Variants in PFKL observed in about 807,000 individuals in gnomAD.
PFKL encodes ATP-dependent 6-phosphofructokinase, liver type.
A neutral mutation model predicts 92.1 loss-of-function variants in PFKL; 74 were observed. That is an observed-to-expected ratio of 0.80 (90% CI 0.67 to 0.97). PFKL has a LOEUF of 0.97. Among genes scored for constraint, PFKL ranks in the 50% least tolerant of loss-of-function variants. The pLI is 0.00. For synonymous variants in PFKL, 494 were observed against 456.4 expected (o/e 1.08, Z -1.05); for missense variants, 1,028 against 1,116.6 (o/e 0.92, Z 1.13).
chr21:44,319,202 C>T (rs956757637), intron 10 of PFKL, 149 bp from the exon 11 acceptor site: 57 of 668,396 alleles, frequency 8.5e-5, no homozygotes, highest in African/African-American at 3.4e-4. Flanking sequence ...TGGTGGTGAC[C>T]GCTGTTCCTA....
rs752751455 is a variant in PFKL, at chr21:44,306,642, C to T, written c.86-39C>T. ...GGGGAGGGTGTCCAGGGCCTTGCTT[C>T]TCAGCGTGGGACTGACAGGTTTGCC... On this transcript the variant is annotated intron_variant, in intron 1 of 21. Coordinates refer to ENST00000349048, the MANE Select transcript of PFKL (RefSeq NM_002626.6). The T allele has an allele frequency of 4.4e-6, 7 of 1,588,190 alleles. No individual in the cohort carries two copies. The East Asian group carries it at 9.1e-5, about 21-fold the overall frequency.
chr21:44,309,001 C>T (rs147016977), intron 2 of PFKL, among the ~76,000 whole-genome samples: 46 of 152,200 alleles, frequency 3.0e-4, no homozygotes, highest in African/African-American at 1.1e-3. Context: ...GGGGACTGGC[C>T]GTCACTGTTC....
At chr21:44,325,887 C>T in intron 19 of PFKL, 74 bp from the exon 20 acceptor site, 3 of 1,085,548 alleles carry the variant, frequency 2.8e-6, no homozygotes, top group East Asian at 2.5e-5. Flanking sequence ...CGTGGGGATC[C>T]TGTCTGCACT....
At chr21:44,303,103 G>A (rs376243092) in intron 1 of PFKL, among the ~76,000 whole-genome samples, 6 of 152,050 alleles carry the variant, frequency 3.9e-5, no homozygotes, top group African/African-American at 1.2e-4. Flanking sequence ...GCATGGTGGT[G>A]CGCATCTGTA....
At chr21:44,306,584 T>A in intron 1 of PFKL, 97 bp from the exon 2 acceptor site, 2 of 1,052,826 alleles carry the variant, frequency 1.9e-6, no homozygotes, top group Non-Finnish European at 2.8e-6. Context: ...GGACAGGGTG[T>A]CCAGGCCTCC....
intron 7 of PFKL, 172 bp downstream of exon 7, chr21:44,314,193 C>T: frequency 1.7e-6 from 1 of 602,158 alleles, no homozygotes; most frequent in South Asian, 2.0e-5. Context: ...ACGGGGCTGA[C>T]CTCAGTGAGG....
rs2047505736 is a variant in PFKL, at chr21:44,326,229, C to T, written c.2160C>T (p.Ser720=). 6 of 1,612,584 alleles carry T rather than the reference C, an allele frequency of 3.7e-6. No homozygotes were observed. Among genetic ancestry groups the T allele is most frequent in the Non-Finnish European group, 5.1e-6 (6 of 1,179,514 alleles). Residue 720 remains serine, a synonymous_variant, in exon 21 of 22, where the codon AGC becomes AGT. Coordinates refer to ENST00000349048, the MANE Select transcript of PFKL (RefSeq NM_002626.6). ...TGAAGAAGAAGGCGGTGGCCTTCAG[C>T]CCCGTCACTGAGCTCAAGAAAGACA... is the stretch of plus-strand genomic sequence containing the variant. ...IGLKKKAVAF[S]PVTELKKDTD... is the part of the protein sequence containing the mutation.
At chr21:44,310,898 A>C in intron 2 of PFKL, 108 bp from the exon 3 acceptor site, 1 of 776,406 alleles carries the variant, frequency 1.3e-6, no homozygotes, top group South Asian at 1.6e-5. Context: ...CACAGTCAGC[A>C]CCCTGGTCCT....
chr21:44,319,900 TGGG>T, intron 11 of PFKL, 181 bp from the exon 12 acceptor site: 1 of 591,926 alleles, frequency 1.7e-6, no homozygotes, highest in Non-Finnish European at 3.0e-6. Context: ...CGTGTTGTGT[TGGG>T]GGTCTCGCAC....
At chr21:44,305,316 C>A (rs149076820) in intron 1 of PFKL, 1 of 1,365,114 alleles carries the variant, frequency 7.3e-7, no homozygotes, top group Non-Finnish European at 9.8e-7. Context: ...AGCTGGAGAG[C>A]GGATGAGAAG....
chr21:44,310,384 C>T (rs916748949), intron 2 of PFKL, among the ~76,000 whole-genome samples: 3 of 152,186 alleles, frequency 2.0e-5, no homozygotes, highest in Non-Finnish European at 2.9e-5. Flanking sequence ...GGGGTGTTGC[C>T]GGCCCTACGA....
In PFKL at chr21:44,300,071, G is replaced by A; in HGVS notation, c.-35G>A. On this transcript the variant is annotated 5_prime_UTR_variant, in exon 1 of 22. Coordinates refer to ENST00000349048, the MANE Select transcript of PFKL (RefSeq NM_002626.6). ...GGACGGCGACGCGGCGCAGGCGGCG[G>A]GAGTGCGAGCTGGGCCCGTGTTTCG... 9.9e-7 allele frequency: 1 copy of A among 1,013,346 alleles called. No individual in the cohort carries two copies. The highest frequency in any genetic ancestry group is 3.3e-5 in the South Asian group (1 of 29,944). The allele number at this position is 1,013,346 out of a possible 1,614,324, so 62.8% of individuals were successfully genotyped here. A position where few individuals can be genotyped will look rare whatever the true frequency, so the allele number is the denominator to read the frequency against.
In PFKL at chr21:44,311,046, A is replaced by G; in HGVS notation, c.200A>G (p.Gln67Arg). 6.2e-7 allele frequency: 1 copy of G among 1,613,198 alleles called. No homozygotes were observed. The highest frequency in any genetic ancestry group is 8.5e-7 in the Non-Finnish European group (1 of 1,179,618). Residue 67 changes from glutamine (Q) to arginine (R), a missense_variant, in exon 3 of 22, where the codon CAG (glutamine) becomes CGG (arginine). Physicochemically the swap from Gln to Arg is conservative, Grantham distance 43. Transcript: ENST00000349048. ...GTGGAGGGAGGTGAGAACATCAAGC[A>G]GGCCAACTGGCTGAGCGTCTCCAAC... The part of the protein sequence containing the change: ...GLVEGGENIK[Q>R]ANWLSVSNII...
At chr21:44,310,846 C>G in intron 2 of PFKL, among the ~76,000 whole-genome samples, 160 bp from the exon 3 acceptor site, 1 of 152,140 alleles carries the variant, frequency 6.6e-6, no homozygotes, top group South Asian at 2.1e-4. Context: ...CTAGGGGGCA[C>G]CCGGACCCTG....
intron 3 of PFKL, among the ~76,000 whole-genome samples, chr21:44,311,519 T>C (rs910621461): frequency 6.6e-6 from 1 of 152,102 alleles, no homozygotes; most frequent in Admixed American, 6.5e-5. Context: ...TACAGACATA[T>C]GTACTCAGAG....
At chr21:44,326,432 C>T (rs1443843533) in intron 21 of PFKL, among the ~76,000 whole-genome samples, 168 bp downstream of exon 21, 2 of 152,104 alleles carry the variant, frequency 1.3e-5, no homozygotes, top group African/African-American at 2.4e-5. Flanking sequence ...GGACCATGCC[C>T]AAGTCTTCTG....
chr21:44,320,373 C>T, intron 12 of PFKL: 1 of 493,460 alleles, frequency 2.0e-6, no homozygotes, highest in Non-Finnish European at 3.7e-6. Context: ...TGTTGCTTCT[C>T]AGTGGTGGAT....
intron 2 of PFKL, chr21:44,307,444 A>T: frequency 3.6e-6 from 1 of 278,836 alleles, no homozygotes; most frequent in Non-Finnish European, 5.4e-6. Flanking sequence ...GGTTTTCCAC[A>T]TTCCACAAGA....
intron 2 of PFKL, chr21:44,307,235 G>GTCT (rs2040976946): frequency 1.0e-6 from 1 of 982,050 alleles, no homozygotes. Flanking sequence ...GCTCTGCTGT[G>GTCT]TCTATGTTCA....
Sources: allele counts gnomAD v4.1 joint callset (sites outside exome capture counted in the v4.1 genomes callset), GRCh38; gene constraint gnomAD v4.1.1; transcripts MANE v1.5; gene names NCBI Gene and HGNC (gene_info 2026-07-23, HGNC 2026-07-21).